The following FAM171B variants were observed in gnomAD, a reference collection of about 807,000 sequenced individuals.
FAM171B encodes protein FAM171B.
In FAM171B, 19 loss-of-function variants were observed where a neutral mutation model predicts 75.6. The observed-to-expected ratio is 0.25, with a 90% CI of 0.18 to 0.37. The LOEUF (loss-of-function observed/expected upper bound fraction) is 0.37. Among genes scored for constraint, FAM171B ranks in the 10% least tolerant of loss-of-function variants. FAM171B has a pLI of 1.00. For missense variants in FAM171B, 848 were observed against 982.4 expected (o/e 0.86, Z 1.83); for synonymous variants, 367 against 361.7 (o/e 1.01, Z -0.17).
chr2:186,758,654 A>T (rs1247359947), intron 6 of FAM171B, among the ~76,000 whole-genome samples: 1 of 152,136 alleles, frequency 6.6e-6, no homozygotes, highest in Non-Finnish European at 1.5e-5. Flanking sequence ...GCCCAATAGC[A>T]TTCACTTTTA....
intron 6 of FAM171B, among the ~76,000 whole-genome samples, 168 bp from the exon 7 acceptor site, chr2:186,760,944 AG>A (rs764666298): frequency 1.3e-5 from 2 of 152,082 alleles, no homozygotes; most frequent in Non-Finnish European, 2.9e-5. Flanking sequence ...CAGTCAATTA[AG>A]CCAAAGGATA....
At chr2:186,742,793 CT>C (rs1690308095) in intron 2 of FAM171B, among the ~76,000 whole-genome samples, 1 of 152,136 alleles carries the variant, frequency 6.6e-6, no homozygotes, top group African/African-American at 2.4e-5. Context: ...TTTGATCTTG[CT>C]TATAAAATGG....
intron 6 of FAM171B, among the ~76,000 whole-genome samples, chr2:186,756,508 A>G (rs988207553): frequency 6.6e-6 from 1 of 152,212 alleles, no homozygotes; most frequent in Non-Finnish European, 1.5e-5. Flanking sequence ...ACGTTTTCAC[A>G]GTCTGGAGGC....
chr2:186,699,847 C>A (rs1689632193), intron 1 of FAM171B, among the ~76,000 whole-genome samples: 1 of 152,096 alleles, frequency 6.6e-6, no homozygotes, highest in South Asian at 2.1e-4. Context: ...ATAAGGATAT[C>A]CAGTTTTCCC....
At chr2:186,752,637 C>A (rs1405415364) in intron 5 of FAM171B, among the ~76,000 whole-genome samples, 1 of 152,092 alleles carries the variant, frequency 6.6e-6, no homozygotes, top group Non-Finnish European at 1.5e-5. Flanking sequence ...TTCTTTCTGG[C>A]CAAGGCATCT....
chr2:186,707,145 G>A (rs970195552), intron 1 of FAM171B, among the ~76,000 whole-genome samples: 3 of 152,070 alleles, frequency 2.0e-5, no homozygotes, highest in African/African-American at 7.2e-5. Flanking sequence ...ATATATCACA[G>A]GTATCACAGT....
intron 1 of FAM171B, among the ~76,000 whole-genome samples, chr2:186,719,570 C>A (rs537381971): frequency 1.2e-4 from 19 of 152,238 alleles, no homozygotes; most frequent in African/African-American, 4.6e-4. Flanking sequence ...AATAAAACAA[C>A]AATCTTGGGA....
intron 1 of FAM171B, among the ~76,000 whole-genome samples, chr2:186,736,538 C>CTGTGTGTGTGTGTGTG (rs10660120): frequency 8.9e-5 from 11 of 122,978 alleles, no homozygotes; most frequent in South Asian, 5.7e-4. Context: ...ATGTTTGTGG[C>CTGTGTGTGTGTGTGTG]TGTGTGTGTG....
intron 1 of FAM171B, among the ~76,000 whole-genome samples, chr2:186,718,739 G>C (rs989835595): frequency 3.3e-5 from 5 of 151,950 alleles, no homozygotes; most frequent in Admixed American, 6.6e-5. Context: ...CTTAATTCCT[G>C]GTCAGTATTC....
chr2:186,728,404 A>G (rs1027831164), intron 1 of FAM171B, among the ~76,000 whole-genome samples: 2 of 152,094 alleles, frequency 1.3e-5, no homozygotes, highest in Non-Finnish European at 2.9e-5. Context: ...TCTGTTTTCT[A>G]TTGCTGTCTG....
intron 1 of FAM171B, among the ~76,000 whole-genome samples, chr2:186,713,857 G>A (rs189291490): frequency 6.6e-6 from 1 of 152,256 alleles, no homozygotes; most frequent in East Asian, 1.9e-4. Flanking sequence ...TATCTTTGAT[G>A]CTTTTTGTTT....
rs1446882205 is a variant in FAM171B at position 186,761,180 on chromosome 2, A to G, written c.1080A>G (p.Leu360=). 1.2e-6 allele frequency: 2 copies of G among 1,612,596 alleles called. No individual in the cohort carries two copies. The highest frequency in any genetic ancestry group is 1.7e-6 in the Non-Finnish European group (2 of 1,179,172). Residue 360 remains leucine, a synonymous_variant, in exon 7 of 8, where the codon TTA becomes TTG. Coordinates refer to ENST00000304698, the MANE Select transcript of FAM171B (RefSeq NM_177454.4). ...ACACAGTGTTTCTTACAGCCATATT[A>G]GGAGGAACAATAGTCATTGTCATTG... ...AYHTVFLTAI[L]GGTIVIVIGF...
At chr2:186,718,513 T>A (rs530301103) in intron 1 of FAM171B, among the ~76,000 whole-genome samples, 1 of 152,324 alleles carries the variant, frequency 6.6e-6, no homozygotes, top group South Asian at 2.1e-4. Flanking sequence ...ATTCCCTCAT[T>A]TAGAATTCAT....
intron 1 of FAM171B, among the ~76,000 whole-genome samples, chr2:186,696,322 T>C (rs555261295): frequency 3.3e-5 from 5 of 151,886 alleles, no homozygotes; most frequent in Non-Finnish European, 4.4e-5. Context: ...TTGAGTCTTA[T>C]AATGCAACAC....
In FAM171B at chr2:186,753,925, C is replaced by T; in HGVS notation, c.896-8C>T. On this transcript the variant is annotated splice_region_variant and splice_polypyrimidine_tract_variant and intron_variant, in intron 5 of 7. Transcript: ENST00000304698. ...ACTGTAACAAGTATTTTTTACATAC[C>T]TTTTTAGGTGCTTGGGTAAATCATG... 1 of 1,609,652 alleles carries T rather than the reference C, an allele frequency of 6.2e-7. No homozygotes were observed. The highest frequency in any genetic ancestry group is 8.5e-7 in the Non-Finnish European group (1 of 1,176,530).
intron 1 of FAM171B, among the ~76,000 whole-genome samples, chr2:186,706,033 A>T (rs914984406): frequency 1.3e-5 from 2 of 152,190 alleles, no homozygotes; most frequent in South Asian, 4.1e-4. Flanking sequence ...TGGCTGTTCC[A>T]CTGAAAGATA....
rs1264485809 is a variant in FAM171B, at chr2:186,764,149, G to A, written c.*1326G>A. The A allele has an allele frequency of 6.6e-6, 1 of 151,956 alleles. No homozygotes were observed. Among genetic ancestry groups the A allele is most frequent in the African/African-American group, 2.4e-5 (1 of 41,412 alleles). 9.4% of individuals were successfully genotyped at this position (151,956 alleles called of 1,614,324 possible). ...CATTTTTCTTAAAATTTCCCTGAAG[G>A]CAAATGTCTGAAGCACCTTTCCCTT... On this transcript the variant is annotated 3_prime_UTR_variant, in exon 8 of 8. Coordinates refer to ENST00000304698, the MANE Select transcript of FAM171B (RefSeq NM_177454.4).
chr2:186,761,918 C>T lies in FAM171B; in HGVS notation c.1576C>T (p.His526Tyr). ...TGNEEAYGRS[H>Y]IPEQLMHIYS... is the part of the protein sequence containing the mutation. ...TAATGAGGAGGCGTATGGGCGTTCC[C>T]ATATTCCTGAACAGCTTATGCATAT... The change falls in exon 8 of 8, where the codon CAT (histidine) becomes TAT (tyrosine). Residue 526 changes from histidine to tyrosine, a missense_variant. Around this residue, in one of 3 missense-constraint regions of FAM171B, gnomAD observed 665 missense variants for 729.0 expected, o/e 0.91. Transcript: ENST00000304698. The T allele has an allele frequency of 6.2e-7, 1 of 1,613,148 alleles. No homozygotes were observed. Among genetic ancestry groups the T allele is most frequent in the Non-Finnish European group, 8.5e-7 (1 of 1,179,678 alleles).
At chr2:186,701,396 A>T (rs1212893866) in intron 1 of FAM171B, among the ~76,000 whole-genome samples, 1 of 152,200 alleles carries the variant, frequency 6.6e-6, no homozygotes, top group Non-Finnish European at 1.5e-5. Flanking sequence ...TTTCCAGTAT[A>T]CAGTACAATA....
Sources: gnomAD v4.1 joint callset for allele counts (sites outside exome capture counted in the v4.1 genomes callset) on GRCh38, gnomAD v4.1.1 for gene constraint, gnomAD v4.1.1 regional missense constraint, MANE v1.5 for transcripts, NCBI Gene and HGNC (gene_info 2026-07-23, HGNC 2026-07-21) for gene names.